The following ATP11A variants were observed in gnomAD, a reference collection of about 807,000 sequenced individuals.
ATP11A encodes the protein phospholipid-transporting ATPase IH.
In ATP11A, 81 loss-of-function variants were observed where a neutral mutation model predicts 154.4. The observed-to-expected ratio is 0.52, with a 90% CI of 0.44 to 0.63. ATP11A has a LOEUF of 0.63. Ranked by LOEUF, ATP11A falls within the 30% of genes least tolerant of loss-of-function variation. The pLI is 0.00. For missense variants in ATP11A, 1,316 were observed against 1,474.3 expected, an observed-to-expected ratio of 0.89 and a Z score of 1.76; for synonymous variants, 623 against 585.9, an observed-to-expected ratio of 1.06 and a Z score of -0.91.
At chr13:112,703,205 A>C (rs764342180) in intron 1 of ATP11A, 1 of 152,174 alleles carries the variant, frequency 6.6e-6, no homozygotes, top group African/African-American at 2.4e-5. Context: ...CTGCATGGTG[A>C]GGTCTGGTGA....
At chr13:112,841,424 G>A (rs1287242313) in intron 16 of ATP11A, among the ~76,000 whole-genome samples, 5 of 149,160 alleles carry the variant, frequency 3.4e-5, no homozygotes, top group East Asian at 2.0e-4. Context: ...TGGCTTCGCC[G>A]TCCAGGGATG....
At chr13:112,805,505 G>C (rs1337436728) in intron 3 of ATP11A, among the ~76,000 whole-genome samples, 3 of 152,034 alleles carry the variant, frequency 2.0e-5, no homozygotes, top group Non-Finnish European at 4.4e-5. Flanking sequence ...GCTAAACCCT[G>C]TCTCTACTAA....
Position 112,826,832 on chromosome 13 carries a change from G to T in ATP11A, c.1162G>T (p.Glu388Ter). The change falls in exon 12 of 30, where the codon GAG (glutamate) becomes TAG (stop). Residue 388 changes from glutamate to a stop codon, truncating the protein, a stop_gained. Transcript: ENST00000375645. LOFTEE classifies it high-confidence loss of function. ...FITWDEDMFD[E>*]ETGEGPLVNT... ...CACCTGGGACGAAGACATGTTTGAC[G>T]AGGAGACTGGCGAGGGGCCTCTGGT... The T allele has an allele frequency of 6.2e-7, 1 of 1,614,134 alleles. No homozygotes were observed. Among genetic ancestry groups the T allele is most frequent in the Non-Finnish European group, 8.5e-7 (1 of 1,180,042 alleles).
At chr13:112,715,425 C>G (rs796203936) in intron 1 of ATP11A, among the ~76,000 whole-genome samples, 2,617 of 19,662 alleles carry the variant, frequency 0.13, 109 homozygotes, top group East Asian at 0.25. Context: ...ACACCTGGCC[C>G]ACCTCCCCAC....
At chr13:112,699,453 C>A (rs549569266) in intron 1 of ATP11A, among the ~76,000 whole-genome samples, 11 of 152,270 alleles carry the variant, frequency 7.2e-5, no homozygotes, top group Non-Finnish European at 1.6e-4. Flanking sequence ...GGTATTATGT[C>A]ACACATCATT....
chr13:112,770,312 T>C (rs1319866339), intron 1 of ATP11A, among the ~76,000 whole-genome samples: 2 of 152,344 alleles, frequency 1.3e-5, no homozygotes, highest in East Asian at 3.9e-4. Context: ...CTTTTGTGGA[T>C]CATTGTGACC....
intron 16 of ATP11A, among the ~76,000 whole-genome samples, chr13:112,841,938 A>G (rs998511004): frequency 3.3e-5 from 5 of 152,252 alleles, no homozygotes; most frequent in South Asian, 2.1e-4. Context: ...TTCAGAAACC[A>G]GGACCCCCTT....
At position 112,882,490 on chromosome 13, in the gene ATP11A, T is replaced by C. The variant is rs886335592; in HGVS notation, c.*624T>C. The C allele has an allele frequency of 4.3e-6, 2 of 464,140 alleles. No homozygotes were observed. The highest frequency in any genetic ancestry group is 3.8e-6 in the Non-Finnish European group (1 of 265,442). 28.8% of individuals were successfully genotyped at this position (464,140 alleles called of 1,614,324 possible). On this transcript the variant is annotated 3_prime_UTR_variant, in exon 30 of 30. Transcript: ENST00000375645. This position sits in a 1 kb window ranked among gnomAD's most constrained non-coding sequence, Gnocchi z 5.1. ...CTCAACAACCCTCCAATCCGGATGCTGTGGGAAGGGCCGGGTCACTCGGAT... is the reference window on the plus strand; with the variant it reads ...CTCAACAACCCTCCAATCCGGATGCCGTGGGAAGGGCCGGGTCACTCGGAT...
chr13:112,803,519 G>A (rs77861357), intron 2 of ATP11A, among the ~76,000 whole-genome samples: 4,295 of 152,280 alleles, frequency 0.028, 84 homozygotes, highest in Middle Eastern at 0.099. Context: ...TCATTACGGC[G>A]TAAAAACATG....
At position 112,862,553 on chromosome 13, in the gene ATP11A, C is replaced by G; in HGVS notation, c.2969C>G (p.Thr990Arg). 1 of 1,614,204 alleles carries G rather than the reference C, an allele frequency of 6.2e-7. No individual in the cohort carries two copies. Among genetic ancestry groups the G allele is most frequent in the Non-Finnish European group, 8.5e-7 (1 of 1,180,020 alleles). Reference sequence around the variant, plus strand: ...GGTGCTTATTTCGTGTTTGAAAATACAACTGTGACAAGCAACGGGCAGGTC... The same window carrying G: ...GGTGCTTATTTCGTGTTTGAAAATAGAACTGTGACAAGCAACGGGCAGGTC... ...FFGAYFVFEN[T>R]TVTSNGQIFG... is the part of the protein sequence containing the mutation. Residue 990 changes from threonine (T) to arginine (R), a missense_variant, in exon 25 of 30, where the codon ACA becomes AGA. Physicochemically the swap from Thr to Arg is moderately conservative, Grantham distance 71 (BLOSUM62 -1). Coordinates refer to ENST00000375645, the MANE Select transcript of ATP11A (RefSeq NM_015205.3).
At chr13:112,862,780 C>T (rs758447140) in intron 25 of ATP11A, among the ~76,000 whole-genome samples, 3 of 148,892 alleles carry the variant, frequency 2.0e-5, no homozygotes, top group African/African-American at 7.7e-5. Flanking sequence ...CAGTGCAGCC[C>T]GTGCAGCTTC....
At chr13:112,799,101 A>C (rs571549927) in intron 2 of ATP11A, among the ~76,000 whole-genome samples, 2 of 152,382 alleles carry the variant, frequency 1.3e-5, no homozygotes, top group East Asian at 3.9e-4. Context: ...TCAGTTCTCC[A>C]AGACAACATA....
At chr13:112,860,657 C>A in intron 24 of ATP11A, 1 of 430,302 alleles carries the variant, frequency 2.3e-6, no homozygotes, top group East Asian at 3.9e-5. Flanking sequence ...AGCCAGTTTG[C>A]ACTTTCCTGT....
chr13:112,691,999 T>A (rs1885254542), intron 1 of ATP11A, among the ~76,000 whole-genome samples: 1 of 152,186 alleles, frequency 6.6e-6, no homozygotes, highest in Non-Finnish European at 1.5e-5. Context: ...CCCTCACTGG[T>A]GCTCGAGCCC....
At chr13:112,860,876 A>G (rs2080081209) in intron 24 of ATP11A, 1 of 154,152 alleles carries the variant, frequency 6.5e-6, no homozygotes, top group South Asian at 2.0e-4. Flanking sequence ...TATTTCAGAA[A>G]TGCCCCCCAA....
chr13:112,766,719 T>C (rs1013698830), intron 1 of ATP11A, among the ~76,000 whole-genome samples: 11 of 151,914 alleles, frequency 7.2e-5, no homozygotes, highest in African/African-American at 2.7e-4. Context: ...CCATATTCAC[T>C]GTGCTGAAAG....
chr13:112,824,490 G>A, intron 10 of ATP11A, 65 bp downstream of exon 10: 1 of 1,482,870 alleles, frequency 6.7e-7, no homozygotes, highest in Non-Finnish European at 9.4e-7. Flanking sequence ...AGAAATGGAA[G>A]TAGCTTCCTC....
intron 12 of ATP11A, among the ~76,000 whole-genome samples, chr13:112,829,306 C>T (rs2079029343): frequency 6.6e-6 from 1 of 152,196 alleles, no homozygotes; most frequent in Non-Finnish European, 1.5e-5. Flanking sequence ...GCCAGGACCC[C>T]TGATGAACAA....
chr13:112,801,735 A>T (rs1043161567), intron 2 of ATP11A, among the ~76,000 whole-genome samples: 1 of 152,242 alleles, frequency 6.6e-6, no homozygotes, highest in Non-Finnish European at 1.5e-5. Flanking sequence ...CAAGATATGT[A>T]CAAGGTCTAG....
Sources: gnomAD v4.1 joint callset for allele counts (sites outside exome capture counted in the v4.1 genomes callset) on GRCh38, gnomAD v4.1.1 for gene constraint, Gnocchi (gnomAD v3.1) non-coding constraint, MANE v1.5 for transcripts, NCBI Gene and HGNC (gene_info 2026-07-23, HGNC 2026-07-21) for gene names.